The following SAMD7 variants were observed in gnomAD, a reference collection of about 807,000 sequenced individuals.
The protein encoded by SAMD7 is sterile alpha motif domain containing 7.
A neutral mutation model predicts 36.7 loss-of-function variants in SAMD7; 34 were observed. The observed-to-expected ratio is 0.93, with a 90% confidence interval of 0.71 to 1.23. The LOEUF (loss-of-function observed/expected upper bound fraction) is 1.23. SAMD7 is among the 50% of genes most tolerant of loss of function. The pLI, the probability that SAMD7 is intolerant of heterozygous loss-of-function variation, is 0.00. For missense variants in SAMD7, 570 were observed against 546.6 expected, an observed-to-expected ratio of 1.04 and a Z score of -0.43; for synonymous variants, 188 against 189.7, an observed-to-expected ratio of 0.99 and a Z score of 0.07.
intron 5 of SAMD7, among the ~76,000 whole-genome samples, chr3:169,925,936 C>G (rs1417600461): frequency 6.6e-6 from 1 of 152,154 alleles, no homozygotes; most frequent in Non-Finnish European, 1.5e-5. Flanking sequence ...TCAGACAACA[C>G]CCATGTCAGC....
At chr3:169,926,047 C>T (rs113005504) in intron 5 of SAMD7, among the ~76,000 whole-genome samples, 2 of 152,178 alleles carry the variant, frequency 1.3e-5, no homozygotes, top group Non-Finnish European at 2.9e-5. Flanking sequence ...ACTTTCTCAT[C>T]GCTGAACCCA....
intron 3 of SAMD7, among the ~76,000 whole-genome samples, chr3:169,920,586 C>A (rs1713002774): frequency 6.6e-6 from 1 of 152,108 alleles, no homozygotes; most frequent in Non-Finnish European, 1.5e-5. Context: ...CTGGATTTCC[C>A]GTGAAGAAAG....
At chr3:169,916,911 T>C (rs544874064) in intron 2 of SAMD7, among the ~76,000 whole-genome samples, 1 of 152,300 alleles carries the variant, frequency 6.6e-6, no homozygotes, top group African/African-American at 2.4e-5. Context: ...GCTAGAGTTA[T>C]GAGCCCAGCC....
intron 4 of SAMD7, among the ~76,000 whole-genome samples, chr3:169,923,928 G>C: frequency 6.6e-6 from 1 of 152,232 alleles, no homozygotes; most frequent in East Asian, 1.9e-4. Flanking sequence ...GTTTGGGAAA[G>C]AGAAAGTATG....
intron 2 of SAMD7, among the ~76,000 whole-genome samples, chr3:169,917,851 T>C (rs561104942): frequency 3.9e-5 from 6 of 152,172 alleles, no homozygotes; most frequent in Admixed American, 3.9e-4. Flanking sequence ...CCATGTTAGC[T>C]AGGCTGGTCT....
intron 2 of SAMD7, among the ~76,000 whole-genome samples, chr3:169,916,397 G>A (rs957547390): frequency 2.0e-5 from 3 of 152,200 alleles, no homozygotes; most frequent in Non-Finnish European, 2.9e-5. Flanking sequence ...TCTAATCCCA[G>A]TGCTATGGGA....
chr3:169,921,782 C>T (rs1015737119), intron 4 of SAMD7, among the ~76,000 whole-genome samples: 7 of 152,140 alleles, frequency 4.6e-5, no homozygotes, highest in Non-Finnish European at 7.4e-5. Context: ...CAGAATAATT[C>T]TGGCTTCTGA....
chr3:169,913,744 G>C (rs941342850), intron 1 of SAMD7, among the ~76,000 whole-genome samples: 5 of 152,176 alleles, frequency 3.3e-5, no homozygotes, highest in Non-Finnish European at 5.9e-5. Context: ...AGTGACCTTA[G>C]TTTACAATTT....
intron 7 of SAMD7, chr3:169,933,141 C>T (rs1480709441): frequency 1.3e-6 from 1 of 773,632 alleles, no homozygotes; most frequent in African/African-American, 1.7e-5. Flanking sequence ...GGACCAGTGG[C>T]TCCTGAGTGT....
intron 7 of SAMD7, among the ~76,000 whole-genome samples, chr3:169,930,860 C>T (rs1258942867): frequency 6.6e-6 from 1 of 151,992 alleles, no homozygotes; most frequent in African/African-American, 2.4e-5. Flanking sequence ...GGATTACAGG[C>T]ATGAGCCACC....
At chr3:169,934,710 T>G (rs1713655305) in intron 7 of SAMD7, among the ~76,000 whole-genome samples, 1 of 152,186 alleles carries the variant, frequency 6.6e-6, no homozygotes, top group African/African-American at 2.4e-5. Flanking sequence ...CTGGCACGAT[T>G]TAGCTTCTGA....
At chr3:169,933,985 G>A (rs549701065) in intron 7 of SAMD7, among the ~76,000 whole-genome samples, 21 of 152,332 alleles carry the variant, frequency 1.4e-4, no homozygotes, top group African/African-American at 5.1e-4. Flanking sequence ...TCCAGGTGAG[G>A]GCCAGAGCCA....
At position 169,936,411 on chromosome 3, in the gene SAMD7, G is replaced by A; in HGVS notation, c.1114G>A (p.Gly372Arg). 1 of 1,613,280 alleles carries A rather than the reference G, an allele frequency of 6.2e-7. No individual in the cohort carries two copies. The change falls in exon 8 of 9, where the codon GGA becomes AGA. Residue 372 changes from glycine (G) to arginine (R), a missense_variant. Coordinates refer to ENST00000335556, the MANE Select transcript of SAMD7 (RefSeq NM_001304366.2). Reference protein sequence around the residue: ...LTEEHLRGTMGLKLGPALKIQ... With the variant: ...LTEEHLRGTMRLKLGPALKIQ... Reference sequence around the variant, plus strand: ...AGAAGAGCATCTTCGAGGCACTATGGGATTAAAGCTAGGGCCGGCACTAAA... The same window carrying A: ...AGAAGAGCATCTTCGAGGCACTATGAGATTAAAGCTAGGGCCGGCACTAAA...
rs1408553152 is a variant in SAMD7, at chr3:169,936,408, A to G, written c.1111A>G (p.Met371Val). 9 of 1,613,498 alleles carry G rather than the reference A, an allele frequency of 5.6e-6. No homozygotes were observed. The highest frequency in any genetic ancestry group is 4.5e-5 in the East Asian group (2 of 44,870). Residue 371 changes from methionine to valine, a missense_variant, in exon 8 of 9, where the codon ATG becomes GTG. Coordinates refer to ENST00000335556, the MANE Select transcript of SAMD7 (RefSeq NM_001304366.2). ...CACAGAAGAGCATCTTCGAGGCACT[A>G]TGGGATTAAAGCTAGGGCCGGCACT... is the stretch of plus-strand genomic sequence containing the variant. ...LLTEEHLRGTMGLKLGPALKI... is the reference protein window; with the variant it reads ...LLTEEHLRGTVGLKLGPALKI...
chr3:169,919,358 G>A, intron 2 of SAMD7, 100 bp from the exon 3 acceptor site: 1 of 667,120 alleles, frequency 1.5e-6, no homozygotes, highest in South Asian at 1.9e-5. Flanking sequence ...CTTCCCAAGT[G>A]TTGTGAAAAT....
chr3:169,928,341 T>A (rs139986666), intron 6 of SAMD7, 116 bp from the exon 7 acceptor site: 1 of 732,620 alleles, frequency 1.4e-6, no homozygotes, highest in African/African-American at 1.8e-5. Context: ...ATTCCTAATA[T>A]CTTGTAAGGC....
At chr3:169,916,808 G>A (rs1712822638) in intron 2 of SAMD7, among the ~76,000 whole-genome samples, 1 of 152,180 alleles carries the variant, frequency 6.6e-6, no homozygotes, top group South Asian at 2.1e-4. Flanking sequence ...GTCCCCCATT[G>A]TTCTGTTGTA....
chr3:169,914,543 T>C (rs1357485872), intron 1 of SAMD7, among the ~76,000 whole-genome samples: 1 of 152,210 alleles, frequency 6.6e-6, no homozygotes, highest in Non-Finnish European at 1.5e-5. Flanking sequence ...GCACTTGGAA[T>C]AGCTTGCATT....
Position 169,938,521 on chromosome 3 carries a change from G to A in SAMD7, c.*15G>A, listed in dbSNP as rs1405485251. 5 of 1,559,178 alleles carry A rather than the reference G, an allele frequency of 3.2e-6. No homozygotes were observed. Among genetic ancestry groups the A allele is most frequent in the East Asian group, 2.2e-5 (1 of 44,484 alleles). On this transcript the variant is annotated 3_prime_UTR_variant, in exon 9 of 9. Coordinates refer to ENST00000335556, the MANE Select transcript of SAMD7 (RefSeq NM_001304366.2). ...TGAGAAACTAAAAGCCCTCAAGGAG[G>A]AAGAATAGTCTTAGCCAGTTTTCCA...
Sources: gnomAD v4.1 joint callset for allele counts (sites outside exome capture counted in the v4.1 genomes callset) on GRCh38, gnomAD v4.1.1 for gene constraint, MANE v1.5 for transcripts, NCBI Gene and HGNC (gene_info 2026-07-23, HGNC 2026-07-21) for gene names.